Variants in TLL2 observed in about 807,000 individuals in gnomAD.
The protein encoded by TLL2 is tolloid like 2.
In TLL2, 106 loss-of-function variants were observed where a neutral mutation model predicts 123.0. The ratio of observed to expected loss-of-function variants is 0.86; its 90% CI spans 0.74 to 1.01. The LOEUF is 1.01. TLL2 is among the 50% of genes least tolerant of loss of function. The pLI, the probability that TLL2 is intolerant of heterozygous loss-of-function variation, is 0.00. For missense variants in TLL2, 1,332 were observed against 1,336.7 expected (o/e 1.00, Z 0.06); for synonymous variants, 494 against 516.8 (o/e 0.96, Z 0.60).
At chr10:96,403,413 G>A (rs1027741528) in intron 10 of TLL2, among the ~76,000 whole-genome samples, 3 of 152,204 alleles carry the variant, frequency 2.0e-5, no homozygotes, top group African/African-American at 7.2e-5. Flanking sequence ...CAGACACTTT[G>A]CCCCAGCTAC....
At chr10:96,507,449 C>T (rs1847589020) in intron 1 of TLL2, among the ~76,000 whole-genome samples, 1 of 152,002 alleles carries the variant, frequency 6.6e-6, no homozygotes, top group African/African-American at 2.4e-5. Flanking sequence ...ATCTCTAACC[C>T]TAACTATACT....
intron 2 of TLL2, among the ~76,000 whole-genome samples, chr10:96,453,323 G>C (rs1241845616): frequency 6.6e-6 from 1 of 152,118 alleles, no homozygotes; most frequent in Non-Finnish European, 1.5e-5. Context: ...AGGCGTGGTG[G>C]CGCGCACCTG....
Position 96,413,176 on chromosome 10 carries a change from C to T in TLL2, c.1048+16G>A. 1.2e-6 allele frequency: 2 copies of T among 1,613,574 alleles called. No homozygotes were observed. The highest frequency in any genetic ancestry group is 8.5e-7 in the Non-Finnish European group (1 of 1,179,628). On this transcript the variant is annotated intron_variant, in intron 8 of 20. Coordinates refer to ENST00000357947, the MANE Select transcript of TLL2 (RefSeq NM_012465.4). ...ATGCTAGGGAGGTGCTGGCAGTCCC[C>T]ACGGCTCATAGTTACCTGGGCATTT...
At chr10:96,453,712 G>C (rs1326054108) in intron 2 of TLL2, among the ~76,000 whole-genome samples, 1 of 152,052 alleles carries the variant, frequency 6.6e-6, no homozygotes, top group Non-Finnish European at 1.5e-5. Context: ...CAAAAAACAG[G>C]TTAGGAAATA....
chr10:96,484,082 C>T (rs193199467), intron 1 of TLL2, among the ~76,000 whole-genome samples: 1 of 152,230 alleles, frequency 6.6e-6, no homozygotes, highest in Admixed American at 6.5e-5. Context: ...GACCTCAAGT[C>T]ATCCTCCTGC....
In TLL2 at chr10:96,364,816, G is replaced by C. The variant is rs542262832; in HGVS notation, c.*3272C>G. 2.8e-4 allele frequency: 43 copies of C among 152,544 alleles called. No homozygotes were observed. The highest frequency in any genetic ancestry group is 1.0e-3 in the African/African-American group (42 of 41,526). 9.4% of individuals were successfully genotyped at this position (152,544 alleles called of 1,614,324 possible). A position where few individuals can be genotyped will look rare whatever the true frequency, so the allele number is the denominator to read the frequency against. ...TTTGGTATTACTCTTCAGAAGTTCG[G>C]TCTACAAAAGAAACTTTAAAAACAT... On this transcript the variant is annotated 3_prime_UTR_variant, in exon 21 of 21. Coordinates refer to ENST00000357947, the MANE Select transcript of TLL2 (RefSeq NM_012465.4).
rs535756568 is a variant in TLL2, at chr10:96,484,937, G to T, written c.176-4478C>A. On this transcript the variant is annotated intron_variant, in intron 1 of 20. Coordinates refer to ENST00000357947, the MANE Select transcript of TLL2 (RefSeq NM_012465.4). ...TTTGAAACCCATGTCATCCATCCAC[G>T]CTGTCCATATTGTGAAATCTATGAA... Among the ~76,000 whole-genome samples the T allele has an allele frequency of 3.3e-5, 5 of 152,030 alleles. No homozygotes were observed. In the East Asian group the frequency reaches 7.7e-4, roughly 23 times the overall value.
intron 13 of TLL2, among the ~76,000 whole-genome samples, chr10:96,389,854 G>C (rs1846269252): frequency 6.6e-6 from 1 of 152,256 alleles, no homozygotes; most frequent in African/African-American, 2.4e-5. Context: ...TCGGCCTTGG[G>C]AGGTAGATGA....
chr10:96,437,664 GATA>G (rs1325754545), intron 3 of TLL2, among the ~76,000 whole-genome samples: 1 of 152,074 alleles, frequency 6.6e-6, no homozygotes, highest in Non-Finnish European at 1.5e-5. Context: ...ATATAATAGG[GATA>G]ATAATTATGC....
At chr10:96,403,004 C>A (rs1846410217) in intron 10 of TLL2, among the ~76,000 whole-genome samples, 1 of 152,216 alleles carries the variant, frequency 6.6e-6, no homozygotes, top group Non-Finnish European at 1.5e-5. Flanking sequence ...TTTCTGCTCA[C>A]ATGAATATGT....
At chr10:96,410,657 G>A in intron 8 of TLL2, 183 bp from the exon 9 acceptor site, 1 of 679,900 alleles carries the variant, frequency 1.5e-6, no homozygotes. Flanking sequence ...TAGGACCTAG[G>A]AGTCAAAAAG....
At chr10:96,403,388 T>C (rs1846414008) in intron 10 of TLL2, among the ~76,000 whole-genome samples, 2 of 152,232 alleles carry the variant, frequency 1.3e-5, no homozygotes, top group South Asian at 4.1e-4. Flanking sequence ...ATGTTGTTAA[T>C]TTGTAGCTTT....
intron 1 of TLL2, among the ~76,000 whole-genome samples, chr10:96,492,919 G>A (rs1367074485): frequency 6.6e-6 from 1 of 152,144 alleles, no homozygotes; most frequent in Non-Finnish European, 1.5e-5. Flanking sequence ...GACTTGAAGG[G>A]GCCATACAGG....
chr10:96,499,044 C>CTGTAACATTGTAA (rs1321651750), intron 1 of TLL2, among the ~76,000 whole-genome samples: 3 of 152,220 alleles, frequency 2.0e-5, no homozygotes, highest in Non-Finnish European at 4.4e-5. Flanking sequence ...GAACTGGACC[C>CTGTAACATTGTAA]TGTAAACATT....
intron 3 of TLL2, 106 bp downstream of exon 3, chr10:96,445,985 T>TG (rs1846894316): frequency 8.7e-7 from 1 of 1,148,312 alleles, no homozygotes. Flanking sequence ...ATGTACTTAA[T>TG]GCCACTAAAG....
intron 7 of TLL2, among the ~76,000 whole-genome samples, chr10:96,420,446 T>C (rs1460586966): frequency 6.6e-6 from 1 of 152,246 alleles, no homozygotes; most frequent in East Asian, 1.9e-4. Context: ...GGTGGGAACC[T>C]GGATCCTTGC....
rs763303050 is a variant in TLL2, at chr10:96,370,140, G to T, written c.2838C>A (p.Cys946Ter). The stretch of plus-strand genomic sequence containing the variant: ...CGTAGGCTTCCATGTAGTCGTAGCC[G>T]CAGTCGGCCTCCTCCTCAACCTCAA... Reference protein sequence around the residue: ...RTFEVEEEADCGYDYMEAYDG... With the variant: ...RTFEVEEEAD The change falls in exon 20 of 21, where the codon TGC becomes TGA. Residue 946 changes from cysteine (C) to a stop codon, truncating the protein, a stop_gained. Transcript: ENST00000357947. LOFTEE classifies it high-confidence loss of function. The T allele has an allele frequency of 2.5e-6, 4 of 1,614,030 alleles. No homozygotes were observed. Among genetic ancestry groups the T allele is most frequent in the Middle Eastern group, 1.7e-4 (1 of 6,060 alleles).
chr10:96,443,168 C>T (rs996964596), intron 3 of TLL2, among the ~76,000 whole-genome samples: 4 of 152,128 alleles, frequency 2.6e-5, no homozygotes, highest in Non-Finnish European at 5.9e-5. Flanking sequence ...CAAATATGGC[C>T]GCCAAGTCCC....
At chr10:96,459,669 C>CAAA (rs1165594084) in intron 2 of TLL2, among the ~76,000 whole-genome samples, 1 of 24,446 alleles carries the variant, frequency 4.1e-5, no homozygotes, top group African/African-American at 1.6e-4. Context: ...GATCCTGTTT[C>CAAA]AAAAAAAAAA....
Sources: gnomAD v4.1 joint callset for allele counts (sites outside exome capture counted in the v4.1 genomes callset) on GRCh38, gnomAD v4.1.1 for gene constraint, MANE v1.5 for transcripts, NCBI Gene and HGNC (gene_info 2026-07-23, HGNC 2026-07-21) for gene names.